Variants in SAMD3 observed in about 807,000 individuals in gnomAD.
SAMD3 encodes sterile alpha motif domain-containing protein 3.
SAMD3 carries 63 observed loss-of-function variants against 58.5 expected under a neutral mutation model. The observed-to-expected ratio is 1.08, with a 90% CI of 0.88 to 1.33. The LOEUF is 1.33. Ranked by LOEUF, SAMD3 falls within the 40% of genes most tolerant of loss-of-function variation. SAMD3 has a pLI of 0.00. For synonymous variants in SAMD3, 220 were observed against 210.3 expected (o/e 1.05, Z -0.40); for missense variants, 604 against 608.4 (o/e 0.99, Z 0.08).
chr6:130,156,622 T>C lies in SAMD3; in HGVS notation c.823-1597A>G, dbSNP rs558197791. On this transcript the variant is annotated intron_variant, in intron 8 of 11. Coordinates refer to ENST00000439090, the MANE Select transcript of SAMD3 (RefSeq NM_001017373.4). ...ACTAAAATCTCAGTTTGGGGGCCAC[T>C]GTTATAGAAAGATTCGGGGCAGAAA... Among the ~76,000 whole-genome samples, 14 of 152,234 alleles carry C rather than the reference T, an allele frequency of 9.2e-5. No homozygotes were observed. The South Asian group carries it at 2.5e-3, about 27-fold the overall frequency.
intron 5 of SAMD3, among the ~76,000 whole-genome samples, chr6:130,205,863 T>C (rs562380918): frequency 6.6e-6 from 1 of 152,312 alleles, no homozygotes; most frequent in Middle Eastern, 3.4e-3. Context: ...AGAAGGATGT[T>C]GAGCAGAGGA....
chr6:130,284,866 A>G (rs944454257), intron 2 of SAMD3, among the ~76,000 whole-genome samples: 13 of 152,202 alleles, frequency 8.5e-5, no homozygotes, highest in African/African-American at 3.1e-4. Context: ...TATAGAGAAC[A>G]TTTTATACAA....
intron 4 of SAMD3, among the ~76,000 whole-genome samples, chr6:130,213,150 T>C (rs1795712127): frequency 6.6e-6 from 1 of 151,714 alleles, no homozygotes; most frequent in African/African-American, 2.4e-5. Context: ...AAAAATAAAT[T>C]AGCCAGTCAT....
chr6:130,302,243 A>G lies in SAMD3; in HGVS notation c.-188+10735T>C, dbSNP rs1322245801. Among the ~76,000 whole-genome samples the G allele has an allele frequency of 2.6e-5, 4 of 152,252 alleles. No individual in the cohort carries two copies. In the East Asian group the frequency reaches 5.8e-4, roughly 22 times the overall value. ...CAGAATCTATATGGAACTTAAACAA[A>G]TAGCCCATTAAAAAGCAGGCAAAGG... On this transcript the variant is annotated intron_variant, in intron 2 of 13. Transcript: ENST00000368134.
In SAMD3 at chr6:130,175,907, T is replaced by C. The variant is rs148105194; in HGVS notation, c.756A>G (p.Arg252=). The change falls in exon 8 of 12, where the codon CGA becomes CGG. Residue 252 remains arginine (R), a synonymous_variant. Transcript: ENST00000439090. Reference sequence around the variant, plus strand: ...CAAGAGATTTCCTTGTCTGGCCTCTTCGGTGTCCAAATTTACACTTATTTC... The same window carrying C: ...CAAGAGATTTCCTTGTCTGGCCTCTCCGGTGTCCAAATTTACACTTATTTC... ...VIRNKCKFGH[R]RGQTRKSLAD... 14 of 1,613,304 alleles carry C rather than the reference T, an allele frequency of 8.7e-6. No homozygotes were observed. Among genetic ancestry groups the C allele is most frequent in the Non-Finnish European group, 1.1e-5 (13 of 1,179,336 alleles).
intron 9 of SAMD3, among the ~76,000 whole-genome samples, chr6:130,149,756 C>A (rs189820917): frequency 2.0e-5 from 3 of 152,254 alleles, no homozygotes; most frequent in Non-Finnish European, 4.4e-5. Context: ...AACTACCTAT[C>A]GGGTATTATG....
chr6:130,264,192 T>C (rs961093547), intron 2 of SAMD3, among the ~76,000 whole-genome samples: 1 of 152,168 alleles, frequency 6.6e-6, no homozygotes, highest in Non-Finnish European at 1.5e-5. Flanking sequence ...TGGTAGCTCT[T>C]TTCCCGTATT....
chr6:130,311,389 T>C (rs1983719), intron 2 of SAMD3, among the ~76,000 whole-genome samples: 27,294 of 152,096 alleles, frequency 0.18, 2,587 homozygotes, highest in East Asian at 0.36. Context: ...TCCTCCAGCC[T>C]ACTGCTCCCT....
intron 2 of SAMD3, among the ~76,000 whole-genome samples, chr6:130,240,836 C>T (rs965892480): frequency 3.9e-5 from 6 of 152,262 alleles, no homozygotes; most frequent in South Asian, 2.1e-4. Context: ...TTAGACTTCC[C>T]GGCCTCAGAA....
At chr6:130,300,703 T>A (rs1225493949) in intron 2 of SAMD3, among the ~76,000 whole-genome samples, 1 of 152,212 alleles carries the variant, frequency 6.6e-6, no homozygotes. Context: ...TGTTCTCTGA[T>A]GACATGATTC....
chr6:130,237,949 C>T (rs114931382), intron 2 of SAMD3, among the ~76,000 whole-genome samples: 6,561 of 151,982 alleles, frequency 0.043, 469 homozygotes, highest in African/African-American at 0.15. Context: ...CATAAAAAAA[C>T]GATAAATGCT....
In SAMD3 at chr6:130,154,837, C is replaced by T. The variant is rs147622626; in HGVS notation, c.1011G>A (p.Lys337=). 1.1e-4 allele frequency: 181 copies of T among 1,610,290 alleles called. 1 individual carries two copies. The African/African-American group carries it at 2.1e-3, about 19-fold the overall frequency. ...KDILKLFPFL[K]CPYQMFREFQ... The stretch of plus-strand genomic sequence containing the variant: ...AGAATAAAGATACCTGATAAGGGCA[C>T]TTCAAGAAAGGAAACAGTTTAAGAA... Residue 337 remains lysine (K), a synonymous_variant, in exon 9 of 12, where the codon AAG becomes AAA. Coordinates refer to ENST00000439090, the MANE Select transcript of SAMD3 (RefSeq NM_001017373.4).
At chr6:130,179,810 C>CTTTTTTTT (rs71028199) in intron 7 of SAMD3, among the ~76,000 whole-genome samples, 10 of 116,214 alleles carry the variant, frequency 8.6e-5, no homozygotes, top group Middle Eastern at 5.3e-3. Flanking sequence ...TGTCCTTATT[C>CTTTTTTTT]TTTTTTTTTT....
chr6:130,274,811 G>C (rs11154558), intron 2 of SAMD3, among the ~76,000 whole-genome samples: 46,627 of 150,836 alleles, frequency 0.31, 7,584 homozygotes, highest in East Asian at 0.47. Context: ...TCCTATTCCA[G>C]TATATTACTG....
chr6:130,245,625 G>A (rs961622083), intron 2 of SAMD3, among the ~76,000 whole-genome samples: 13 of 152,236 alleles, frequency 8.5e-5, no homozygotes, highest in African/African-American at 2.9e-4. Context: ...AACACAATAA[G>A]TGAGGCCCCC....
At chr6:130,337,806 C>A (rs1777148823) in intron 1 of SAMD3, among the ~76,000 whole-genome samples, 1 of 152,150 alleles carries the variant, frequency 6.6e-6, no homozygotes, top group South Asian at 2.1e-4. Flanking sequence ...GAACTTTGAA[C>A]TTGAGAGAGA....
At chr6:130,144,279 C>A (rs184035387), downstream of SAMD3, 4 of 483,304 alleles carry the variant, frequency 8.3e-6, no homozygotes, top group Non-Finnish European at 1.4e-5. Flanking sequence ...AACTTAACTG[C>A]GGAATTTCTA....
chr6:130,271,829 G>A lies in SAMD3; in HGVS notation c.-188+41149C>T, dbSNP rs146345976. On this transcript the variant is annotated intron_variant, in intron 2 of 13. Transcript: ENST00000368134. Reference sequence around the variant, plus strand: ...GAGCTAACGAACATCTTACATGGTGGCAGGCAAGAGCGTGTGCAGGGGAAC... The same window carrying A: ...GAGCTAACGAACATCTTACATGGTGACAGGCAAGAGCGTGTGCAGGGGAAC... Among the ~76,000 whole-genome samples the A allele has an allele frequency of 2.5e-4, 38 of 152,318 alleles. No individual in the cohort carries two copies. The East Asian group carries it at 4.8e-3, about 19-fold the overall frequency.
At chr6:130,188,352 G>A (rs538400242) in intron 5 of SAMD3, among the ~76,000 whole-genome samples, 6 of 152,296 alleles carry the variant, frequency 3.9e-5, no homozygotes, top group Non-Finnish European at 5.9e-5. Context: ...ACATGAGGGC[G>A]GGGACTTTTT....
Sources: gnomAD v4.1 joint callset for allele counts (sites outside exome capture counted in the v4.1 genomes callset) on GRCh38, gnomAD v4.1.1 for gene constraint, MANE v1.5 for transcripts, NCBI Gene and HGNC (gene_info 2026-07-23, HGNC 2026-07-21) for gene names.